The following NLGN1 variants were observed in gnomAD, a reference collection of about 807,000 sequenced individuals.
The protein encoded by NLGN1 is neuroligin-1.
A neutral mutation model predicts 65.5 loss-of-function variants in NLGN1; 12 were observed. The observed-to-expected ratio is 0.18, with a 90% confidence interval of 0.12 to 0.30. The LOEUF is 0.30. Ranked by LOEUF, NLGN1 falls within the 10% of genes least tolerant of loss-of-function variation. NLGN1 has a pLI of 1.00. For synonymous variants in NLGN1, 350 were observed against 359.5 expected (o/e 0.97, Z 0.30); for missense variants, 750 against 1,007.1 (o/e 0.74, Z 3.46).
intron 4 of NLGN1, among the ~76,000 whole-genome samples, chr3:174,115,505 A>C (rs1196148190): frequency 1.3e-5 from 2 of 152,186 alleles, no homozygotes; most frequent in Non-Finnish European, 2.9e-5. Flanking sequence ...AGATATATAA[A>C]ACCACCGTTA....
chr3:173,744,911 A>G (rs73050433), intron 3 of NLGN1, among the ~76,000 whole-genome samples: 1,700 of 152,154 alleles, frequency 0.011, 28 homozygotes, highest in African/African-American at 0.037. Flanking sequence ...CAACAGCAGA[A>G]TCACACTGAT....
At chr3:173,464,209 A>T (rs1723885899) in intron 2 of NLGN1, among the ~76,000 whole-genome samples, 1 of 152,146 alleles carries the variant, frequency 6.6e-6, no homozygotes, top group Non-Finnish European at 1.5e-5. Context: ...TATGTGCATT[A>T]TCTCTATCCA....
At chr3:173,942,792 A>C (rs1746393552) in intron 4 of NLGN1, among the ~76,000 whole-genome samples, 2 of 152,206 alleles carry the variant, frequency 1.3e-5, no homozygotes, top group Admixed American at 1.3e-4. Flanking sequence ...ATTCATGACA[A>C]CCAGGGAAGT....
At chr3:173,863,451 C>G (rs1425654282) in intron 4 of NLGN1, among the ~76,000 whole-genome samples, 1 of 152,132 alleles carries the variant, frequency 6.6e-6, no homozygotes, top group Non-Finnish European at 1.5e-5. Flanking sequence ...AATGATGTTT[C>G]TTTTCTATAA....
chr3:173,448,490 C>G lies in NLGN1; in HGVS notation c.-321+13412C>G, dbSNP rs138948911. On this transcript the variant is annotated intron_variant, in intron 2 of 6. Coordinates refer to ENST00000457714, the Ensembl canonical transcript of NLGN1. ...AGTATTTTATTGAGGATTTTTGCATCTATGTTCATCAAGGATATTGGTCTA... is the reference window on the plus strand; with the variant it reads ...AGTATTTTATTGAGGATTTTTGCATGTATGTTCATCAAGGATATTGGTCTA... 3.9e-3 allele frequency among the ~76,000 whole-genome samples: 596 copies of G among 152,282 alleles called. 4 individuals are homozygous for G. The highest frequency in any genetic ancestry group is 0.013 in the African/African-American group (552 of 41,550).
At chr3:173,970,217 A>T (rs1052561739) in intron 4 of NLGN1, among the ~76,000 whole-genome samples, 1 of 152,192 alleles carries the variant, frequency 6.6e-6, no homozygotes, top group African/African-American at 2.4e-5. Context: ...GTTGCTAAAG[A>T]CTAACAAAGC....
At chr3:173,490,847 T>G (rs891653666) in intron 2 of NLGN1, among the ~76,000 whole-genome samples, 4 of 152,226 alleles carry the variant, frequency 2.6e-5, no homozygotes, top group African/African-American at 9.6e-5. Flanking sequence ...TTTTATTCTC[T>G]TTGAAGCAAT....
intron 4 of NLGN1, among the ~76,000 whole-genome samples, chr3:173,987,259 G>C (rs73042106): frequency 0.012 from 1,788 of 152,216 alleles, 31 homozygotes; most frequent in African/African-American, 0.038. Context: ...AATGGCACTT[G>C]TAACAAAGGG....
chr3:173,782,577 G>A (rs138389602), intron 3 of NLGN1, among the ~76,000 whole-genome samples: 1 of 152,146 alleles, frequency 6.6e-6, no homozygotes, highest in East Asian at 1.9e-4. Context: ...GGAGAAAATA[G>A]TAAAATAACT....
intron 3 of NLGN1, among the ~76,000 whole-genome samples, chr3:173,798,834 A>G (rs1364641522): frequency 6.6e-6 from 1 of 151,936 alleles, no homozygotes; most frequent in East Asian, 1.9e-4. Flanking sequence ...TTGACAAGTT[A>G]TTACTGTTTT....
the NLGN1 span, among the ~76,000 whole-genome samples, chr3:174,293,462 G>GA: frequency 6.6e-6 from 1 of 151,318 alleles, no homozygotes; most frequent in Non-Finnish European, 1.5e-5. Context: ...TGTAATGGAT[G>GA]AAAAAAACAC....
chr3:173,870,285 A>G (rs959255589), intron 4 of NLGN1, among the ~76,000 whole-genome samples: 7 of 152,204 alleles, frequency 4.6e-5, no homozygotes, highest in East Asian at 3.8e-4. Context: ...TTTCAAATCC[A>G]ATAACTATGA....
chr3:173,439,323 A>G (rs1251739370), intron 2 of NLGN1, among the ~76,000 whole-genome samples: 2 of 152,170 alleles, frequency 1.3e-5, no homozygotes, highest in African/African-American at 4.8e-5. Flanking sequence ...AACTTGTGAA[A>G]TTTAATCCAA....
chr3:173,756,990 A>G (rs1050813067), intron 3 of NLGN1, among the ~76,000 whole-genome samples: 1 of 151,984 alleles, frequency 6.6e-6, no homozygotes, highest in African/African-American at 2.4e-5. Flanking sequence ...ACAAATACCA[A>G]TGCTTCGGTG....
chr3:174,122,864 A>G (rs1390107117), intron 4 of NLGN1, among the ~76,000 whole-genome samples: 1 of 152,098 alleles, frequency 6.6e-6, no homozygotes. Flanking sequence ...AGACATGTAC[A>G]AAGTCAATTT....
chr3:173,912,981 G>T (rs1412935097), intron 4 of NLGN1, among the ~76,000 whole-genome samples: 1 of 152,108 alleles, frequency 6.6e-6, no homozygotes, highest in Admixed American at 6.6e-5. Context: ...TGAGAGGAAT[G>T]CCTTCAATGG....
chr3:174,263,332 G>T (rs1477768871), intron 4 of NLGN1, among the ~76,000 whole-genome samples: 2 of 144,954 alleles, frequency 1.4e-5, no homozygotes, highest in Non-Finnish European at 3.0e-5. Flanking sequence ...CTCTTTGTAG[G>T]TCACTCAGGA....
chr3:173,515,086 T>G (rs1733607682), intron 2 of NLGN1, among the ~76,000 whole-genome samples: 1 of 152,170 alleles, frequency 6.6e-6, no homozygotes, highest in South Asian at 2.1e-4. Context: ...CAAACAGTTT[T>G]CCACAGTGAC....
chr3:173,537,675 GTGGTTCTTTAC>G (rs1194410869), intron 2 of NLGN1, among the ~76,000 whole-genome samples: 1 of 152,184 alleles, frequency 6.6e-6, no homozygotes, highest in Non-Finnish European at 1.5e-5. Flanking sequence ...TCAGCTAGCT[GTGGTTCTTTAC>G]TGGTGGAGTG....
Sources: allele counts gnomAD v4.1 joint callset (sites outside exome capture counted in the v4.1 genomes callset), GRCh38; gene constraint gnomAD v4.1.1; transcripts MANE v1.5; gene names NCBI Gene and HGNC (gene_info 2026-07-23, HGNC 2026-07-21).